The following FAM153A variants were observed in gnomAD, a reference collection of about 807,000 sequenced individuals.
The protein encoded by FAM153A is family with sequence similarity 153 member A, also known as protein FAM153A.
In FAM153A, 12 loss-of-function variants were observed where a neutral mutation model predicts 48.1. That is an observed-to-expected ratio of 0.25 (90% CI 0.16 to 0.40). FAM153A has a LOEUF of 0.40. FAM153A is among the 10% of genes least tolerant of loss of function. The pLI, the probability that FAM153A is intolerant of heterozygous loss-of-function variation, is 1.00. For synonymous variants in FAM153A, 36 were observed against 118.2 expected (o/e 0.30, Z 4.51); for missense variants, 111 against 345.8 (o/e 0.32, Z 5.38).
intron 25 of FAM153A, chr5:177,714,129 T>C (rs1476853107): frequency 6.6e-6 from 1 of 151,546 alleles, no homozygotes. Flanking sequence ...TTCCAGCATC[T>C]ACAACTCTAG....
chr5:177,757,458 T>A (rs1767846744), upstream of FAM153A, among the ~76,000 whole-genome samples: 2 of 109,376 alleles, frequency 1.8e-5, 1 homozygote, highest in Non-Finnish European at 3.9e-5. Flanking sequence ...AAAGAGAGAA[T>A]CCTCTCTAAC....
chr5:177,722,865 GAC>G (rs1274878517), downstream of FAM153A: 4 of 150,226 alleles, frequency 2.7e-5, no homozygotes, highest in East Asian at 7.9e-4. Flanking sequence ...GGGTAAAACA[GAC>G]ACACAGAAAC....
chr5:177,763,794 C>A (rs1768494249), intron 1 of FAM153A, among the ~76,000 whole-genome samples: 1 of 143,220 alleles, frequency 7.0e-6, no homozygotes, highest in Non-Finnish European at 1.5e-5. Context: ...CATGGAACTC[C>A]TGGGCTGGCC....
chr5:177,765,423 C>T (rs1768666736), intron 1 of FAM153A, among the ~76,000 whole-genome samples: 1 of 105,638 alleles, frequency 9.5e-6, no homozygotes, highest in Non-Finnish European at 2.0e-5. Flanking sequence ...AGTGAGGATG[C>T]CTGTAAATAC....
In FAM153A at chr5:177,735,075, C is replaced by T. The variant is rs560113290; in HGVS notation, c.665-142G>A. The T allele has an allele frequency of 1.7e-5, 11 of 646,030 alleles. No homozygotes were observed. The East Asian group carries it at 3.7e-4, about 22-fold the overall frequency. The allele number at this position is 646,030 out of a possible 1,614,324, so 40.0% of individuals were successfully genotyped here. The stretch of plus-strand genomic sequence containing the variant: ...GAAAGGGAATCAGGGCCTTTGGCTT[C>T]CTAGCTCCAGGCCACCTCATAAACA... On this transcript the variant is annotated intron_variant, in intron 12 of 20. Coordinates refer to ENST00000614127, the Ensembl canonical transcript of FAM153A.
chr5:177,758,812 T>G (rs1368994059), intron 1 of FAM153A, among the ~76,000 whole-genome samples: 1 of 140,472 alleles, frequency 7.1e-6, no homozygotes, highest in Non-Finnish European at 1.6e-5. Context: ...TTACACCTTT[T>G]ACAAAAATTA....
At chr5:177,695,762 C>T in the FAM153A span, among the ~76,000 whole-genome samples, 11 of 151,760 alleles carry the variant, frequency 7.2e-5, no homozygotes, top group Admixed American at 1.3e-4. Flanking sequence ...TCTTGATGGT[C>T]GCTGTCTCTT....
upstream of FAM153A, among the ~76,000 whole-genome samples, chr5:177,755,176 T>G (rs56146955): frequency 0.26 from 38,909 of 151,636 alleles, 5,840 homozygotes; most frequent in South Asian, 0.4. Context: ...GCATGAGAAC[T>G]ATGTGACAAA....
At chr5:177,739,049 A>G in intron 10 of FAM153A, 64 bp downstream of exon 12, 3 of 1,520,532 alleles carry the variant, frequency 2.0e-6, no homozygotes, top group Non-Finnish European at 2.7e-6. Context: ...CGCAGGCAAG[A>G]ACGTGTCACC....
intron 4 of FAM153A, among the ~76,000 whole-genome samples, chr5:177,746,648 T>G (rs1311296620): frequency 2.0e-5 from 3 of 149,716 alleles, no homozygotes; most frequent in Non-Finnish European, 4.5e-5. Flanking sequence ...CTGCTCTTTC[T>G]TTTAACACTG....
At chr5:177,725,828 CAT>C (rs1762342063) in intron 18 of FAM153A, among the ~76,000 whole-genome samples, 1 of 151,960 alleles carries the variant, frequency 6.6e-6, no homozygotes, top group Non-Finnish European at 1.5e-5. Context: ...CCCCTCCACA[CAT>C]ATCCCTTAGG....
chr5:177,760,458 G>A (rs974918965), intron 1 of FAM153A, among the ~76,000 whole-genome samples: 2 of 48,814 alleles, frequency 4.1e-5, no homozygotes, highest in Non-Finnish European at 7.5e-5. Context: ...GGATGGTGTC[G>A]ATCTCTTGAC....
In FAM153A at chr5:177,740,503, G is replaced by A. The variant is rs1765302958; in HGVS notation, c.466+274C>T. On this transcript the variant is annotated intron_variant, in intron 8 of 20. Coordinates refer to ENST00000614127, the Ensembl canonical transcript of FAM153A. ...TCTTATTCTGCACTGTGTATTGGAT[G>A]TGTGGGCTGAATAAGGGCATGTGGA... The A allele has an allele frequency of 1.1e-5, 2 of 184,660 alleles. 1 individual carries two copies. The highest frequency in any genetic ancestry group is 5.7e-5 in the African/African-American group (2 of 34,920). The allele number at this position is 184,660 out of a possible 1,614,324, so 11.4% of individuals were successfully genotyped here.
intron 1 of FAM153A, among the ~76,000 whole-genome samples, chr5:177,760,381 C>T (rs1459226104): frequency 1.8e-4 from 14 of 76,310 alleles, no homozygotes; most frequent in Admixed American, 3.0e-4. Flanking sequence ...GGACTACAGG[C>T]GCCCGCCACT....
chr5:177,736,680 T>G, intron 11 of FAM153A, 71 bp from the exon 14 acceptor site: 1 of 1,548,480 alleles, frequency 6.5e-7, no homozygotes, highest in South Asian at 1.2e-5. Context: ...TCTCTTCACT[T>G]GTTTATGTTA....
chr5:177,697,408 TC>T, the FAM153A span, among the ~76,000 whole-genome samples: 2 of 151,736 alleles, frequency 1.3e-5, no homozygotes, highest in Non-Finnish European at 2.9e-5. Context: ...TTTGCTCTGA[TC>T]CCGACAATTT....
the FAM153A span, among the ~76,000 whole-genome samples, chr5:177,696,160 C>T: frequency 7.9e-5 from 8 of 101,682 alleles, no homozygotes; most frequent in South Asian, 3.0e-3. Flanking sequence ...GGCGGCTGGG[C>T]AGAGGCACTC....
At chr5:177,759,185 G>A (rs1466951352) in intron 1 of FAM153A, among the ~76,000 whole-genome samples, 2 of 151,864 alleles carry the variant, frequency 1.3e-5, no homozygotes, top group African/African-American at 4.9e-5. Flanking sequence ...CTCAAAAGAA[G>A]ACATTTATGC....
rs1482224698 is a variant in FAM153A, at chr5:177,771,178, A to G, written c.-57+9271T>C. 2.1e-5 allele frequency among the ~76,000 whole-genome samples: 2 copies of G among 97,324 alleles called. 1 individual carries two copies. The highest frequency in any genetic ancestry group is 4.3e-5 in the Non-Finnish European group (2 of 47,028). 63.8% of individuals were successfully genotyped at this position (97,324 alleles called of 152,430 possible). ...AAGAAAATATTGATAAAATGATTGA[A>G]TATCTTATTTCATAACTCTAAACAG... On this transcript the variant is annotated intron_variant, in intron 1 of 8. Coordinates refer to the FAM153A transcript ENST00000393518.
Sources: allele counts gnomAD v4.1 joint callset (sites outside exome capture counted in the v4.1 genomes callset), GRCh38; gene constraint gnomAD v4.1.1; transcripts MANE v1.5; gene names NCBI Gene and HGNC (gene_info 2026-07-23, HGNC 2026-07-21).